Variants in KCND3 observed in about 807,000 individuals in gnomAD.
KCND3 encodes potassium voltage-gated channel subfamily D member 3.
In KCND3, 9 loss-of-function variants were observed where a neutral mutation model predicts 51.1. That is an observed-to-expected ratio of 0.18 (90% CI 0.11 to 0.31). KCND3 has a LOEUF of 0.31. Among genes scored for constraint, KCND3 ranks in the 10% least tolerant of loss-of-function variants. KCND3 has a pLI of 1.00. For missense variants in KCND3, 526 were observed against 903.8 expected, an observed-to-expected ratio of 0.58 and a Z score of 5.36; for synonymous variants, 349 against 368.0, an observed-to-expected ratio of 0.95 and a Z score of 0.59.
intron 2 of KCND3, among the ~76,000 whole-genome samples, chr1:111,872,052 T>C (rs1021014165): frequency 1.3e-5 from 2 of 152,128 alleles, no homozygotes; most frequent in African/African-American, 2.4e-5. Context: ...GAAATAATAA[T>C]AACAAAGATA....
intron 2 of KCND3, among the ~76,000 whole-genome samples, chr1:111,871,805 AG>A (rs910366910): frequency 2.0e-5 from 3 of 152,210 alleles, no homozygotes; most frequent in African/African-American, 7.2e-5. Flanking sequence ...GAGGAACAAA[AG>A]GAGTAATGAC....
rs544166109 is a variant in KCND3, at chr1:111,812,102, G to C, written c.1107-24996C>G. Among the ~76,000 whole-genome samples, 3 of 152,286 alleles carry C rather than the reference G, an allele frequency of 2.0e-5. No individual in the cohort carries two copies. In the East Asian group the frequency reaches 5.8e-4, roughly 29 times the overall value. ...TGATGACTGGAGGGGTGATGCTTGT[G>C]GGGTGTCGGGCACGGTGCCTGGTAG... On this transcript the variant is annotated intron_variant, in intron 2 of 7. Coordinates refer to ENST00000302127, the MANE Select transcript of KCND3 (RefSeq NM_001378969.1).
chr1:111,976,498 C>T (rs189039263), intron 2 of KCND3, among the ~76,000 whole-genome samples: 67 of 152,348 alleles, frequency 4.4e-4, no homozygotes, highest in Admixed American at 1.3e-3. Context: ...TGTAAACAAA[C>T]GAACCTGTTT....
intron 2 of KCND3, among the ~76,000 whole-genome samples, chr1:111,941,506 C>G (rs1274515532): frequency 2.0e-5 from 3 of 152,168 alleles, no homozygotes; most frequent in African/African-American, 7.2e-5. Flanking sequence ...GTTTTACCCT[C>G]GAGTACACAT....
chr1:111,839,108 C>G (rs1455018482), intron 2 of KCND3, among the ~76,000 whole-genome samples: 1 of 152,236 alleles, frequency 6.6e-6, no homozygotes, highest in Non-Finnish European at 1.5e-5. Flanking sequence ...GGTTTGACAT[C>G]AGGCTGATCA....
At chr1:111,943,003 G>C (rs9429428) in intron 2 of KCND3, among the ~76,000 whole-genome samples, 1 of 152,100 alleles carries the variant, frequency 6.6e-6, no homozygotes, top group Admixed American at 6.5e-5. Context: ...GAGGGAATGC[G>C]GAGAAGACAG....
Position 111,780,465 on chromosome 1 carries a change from C to T in KCND3, c.1372-151G>A. On this transcript the variant is annotated intron_variant, in intron 4 of 7. Transcript: ENST00000302127. This position sits in a 1 kb window ranked among gnomAD's most constrained non-coding sequence, Gnocchi z 4.2. ...TCAGGGTCAGCATTGAATATGCTAA[C>T]CTTTGGGCTCAGGGGCCCTTGGTCT... 1 of 890,870 alleles carries T rather than the reference C, an allele frequency of 1.1e-6. No homozygotes were observed. The highest frequency in any genetic ancestry group is 1.8e-6 in the Non-Finnish European group (1 of 553,422). The allele number at this position is 890,870 out of a possible 1,614,324, so 55.2% of individuals were successfully genotyped here.
rs536756055 is a variant in KCND3, at chr1:111,780,043, C to T, written c.1461+182G>A. ...CCTGCAGGACAGAGCTGGTCTCCCA[C>T]CCTGGTGACCTTGCCCCACTCCTCA... is the stretch of plus-strand genomic sequence containing the variant. On this transcript the variant is annotated intron_variant, in intron 5 of 7. Transcript: ENST00000302127. The surrounding 1 kb of genome is among the most constrained non-coding windows in gnomAD (Gnocchi z 4.2). 6.6e-6 allele frequency among the ~76,000 whole-genome samples: 1 copy of T among 152,346 alleles called. No homozygotes were observed. The highest frequency in any genetic ancestry group is 2.1e-4 in the South Asian group (1 of 4,830).
At position 111,773,529 on chromosome 1, in the gene KCND3, C is replaced by T. The variant is rs1481141405; in HGVS notation, c.*2548G>A. On this transcript the variant is annotated 3_prime_UTR_variant, in exon 8 of 8. Transcript: ENST00000302127. ...CTCTGCCTCCTGGGTTTAAGCAATC[C>T]TCCCCCTCAGCCTTCCAAGTAGCTG... 1.3e-5 allele frequency: 2 copies of T among 150,978 alleles called. No individual in the cohort carries two copies. Among genetic ancestry groups the T allele is most frequent in the East Asian group, 2.0e-4 (1 of 5,102 alleles). 9.4% of individuals were successfully genotyped at this position (150,978 alleles called of 1,614,324 possible).
At chr1:111,860,402 G>A (rs1343216317) in intron 2 of KCND3, among the ~76,000 whole-genome samples, 1 of 152,178 alleles carries the variant, frequency 6.6e-6, no homozygotes, top group Non-Finnish European at 1.5e-5. Context: ...TACTTGTTAG[G>A]TGGCTAACAA....
At chr1:111,876,008 G>T (rs371904396) in intron 2 of KCND3, among the ~76,000 whole-genome samples, 1 of 152,216 alleles carries the variant, frequency 6.6e-6, no homozygotes, top group African/African-American at 2.4e-5. Context: ...TCAGAGTGTA[G>T]GTACCGGAGA....
At chr1:111,979,683 G>A (rs1674832838) in intron 2 of KCND3, among the ~76,000 whole-genome samples, 1 of 152,156 alleles carries the variant, frequency 6.6e-6, no homozygotes, top group African/African-American at 2.4e-5. Flanking sequence ...GTCTCTCTGA[G>A]CCTCAGCTTC....
rs1663960559 is a variant in KCND3 at position 111,772,411 on chromosome 1, G to A, written c.*3666C>T. ...TACAGTCAGGTGATTTCCAAGGGCT[G>A]TGTCCAAGTAGTATTGACATATACG... is the stretch of plus-strand genomic sequence containing the variant. On this transcript the variant is annotated 3_prime_UTR_variant, in exon 8 of 8. Coordinates refer to ENST00000302127, the MANE Select transcript of KCND3 (RefSeq NM_001378969.1). 1 of 152,200 alleles carries A rather than the reference G, an allele frequency of 6.6e-6. No individual in the cohort carries two copies. Among genetic ancestry groups the A allele is most frequent in the Non-Finnish European group, 1.5e-5 (1 of 68,036 alleles). 9.4% of individuals were successfully genotyped at this position (152,200 alleles called of 1,614,324 possible). A position where few individuals can be genotyped will look rare whatever the true frequency, so the allele number is the denominator to read the frequency against.
At chr1:111,833,423 G>T (rs1214468485) in intron 2 of KCND3, among the ~76,000 whole-genome samples, 1 of 152,210 alleles carries the variant, frequency 6.6e-6, no homozygotes, top group African/African-American at 2.4e-5. Flanking sequence ...GCAGTCAAAG[G>T]CTCAATGACA....
chr1:111,806,237 T>C (rs1665565005), intron 2 of KCND3, among the ~76,000 whole-genome samples: 1 of 152,236 alleles, frequency 6.6e-6, no homozygotes, highest in African/African-American at 2.4e-5. Context: ...GTGGGGAGTG[T>C]CTGCACAGCC....
intron 2 of KCND3, among the ~76,000 whole-genome samples, chr1:111,816,741 T>C (rs1344494375): frequency 6.6e-6 from 1 of 152,252 alleles, no homozygotes; most frequent in Admixed American, 6.5e-5. Context: ...TCTCAACTCA[T>C]ACAACTATTA....
chr1:111,877,332 T>A (rs371077084), intron 2 of KCND3, among the ~76,000 whole-genome samples: 1 of 152,366 alleles, frequency 6.6e-6, no homozygotes, highest in South Asian at 2.1e-4. Context: ...CCAAAAATGC[T>A]TGAAGCTCCA....
chr1:111,932,261 C>G (rs933939627), intron 2 of KCND3, among the ~76,000 whole-genome samples: 9 of 152,174 alleles, frequency 5.9e-5, no homozygotes, highest in African/African-American at 2.2e-4. Context: ...GGTAACATAT[C>G]CACGGGAGCA....
intron 3 of KCND3, among the ~76,000 whole-genome samples, chr1:111,786,495 A>G (rs1664608416): frequency 6.6e-6 from 1 of 152,158 alleles, no homozygotes. Flanking sequence ...CCTGAACTCA[A>G]CGGCCTCAGG....
Sources: gnomAD v4.1 joint callset for allele counts (sites outside exome capture counted in the v4.1 genomes callset) on GRCh38, gnomAD v4.1.1 for gene constraint, Gnocchi (gnomAD v3.1) non-coding constraint, MANE v1.5 for transcripts, NCBI Gene and HGNC (gene_info 2026-07-23, HGNC 2026-07-21) for gene names.